Variants in NEBL observed in about 807,000 individuals in gnomAD.
The protein encoded by NEBL is nebulette.
NEBL carries 122 observed loss-of-function variants against 140.2 expected under a neutral mutation model. The observed-to-expected ratio is 0.87, with a 90% CI of 0.75 to 1.01. The LOEUF is 1.01. Ranked by LOEUF, NEBL falls within the 50% of genes least tolerant of loss-of-function variation. The pLI, the probability that NEBL is intolerant of heterozygous loss-of-function variation, is 0.00. For synonymous variants in NEBL, 436 were observed against 398.9 expected (o/e 1.09, Z -1.11); for missense variants, 1,365 against 1,231.3 (o/e 1.11, Z -1.62).
intron 2 of NEBL, among the ~76,000 whole-genome samples, chr10:20,895,086 A>G (rs1847363735): frequency 6.6e-6 from 1 of 152,152 alleles, no homozygotes; most frequent in Admixed American, 6.5e-5. Flanking sequence ...TAGCTTTTGC[A>G]TAATGATAAA....
At chr10:20,986,091 G>A (rs1240660783) in intron 3 of NEBL, among the ~76,000 whole-genome samples, 1 of 152,168 alleles carries the variant, frequency 6.6e-6, no homozygotes, top group Non-Finnish European at 1.5e-5. Flanking sequence ...AGTGCTAAAT[G>A]GAAAATACAT....
intron 4 of NEBL, among the ~76,000 whole-genome samples, chr10:20,916,812 A>C (rs1230784523): frequency 6.6e-6 from 1 of 152,232 alleles, no homozygotes; most frequent in Non-Finnish European, 1.5e-5. Flanking sequence ...GCTATTTTAT[A>C]CTTTACCACT....
At chr10:21,096,831 G>C (rs1285781045) in intron 2 of NEBL, among the ~76,000 whole-genome samples, 2 of 152,000 alleles carry the variant, frequency 1.3e-5, no homozygotes, top group African/African-American at 4.8e-5. Flanking sequence ...TTTTAACATA[G>C]ATTTTGGCTA....
intron 3 of NEBL, among the ~76,000 whole-genome samples, chr10:21,007,626 T>C (rs1589131165): frequency 6.6e-6 from 1 of 152,170 alleles, no homozygotes; most frequent in African/African-American, 2.4e-5. Flanking sequence ...TTAGTAACCA[T>C]TAAATTAAAT....
chr10:21,232,371 C>G (rs985750092), intron 3 of NEBL, among the ~76,000 whole-genome samples: 5 of 151,652 alleles, frequency 3.3e-5, no homozygotes, highest in African/African-American at 1.2e-4. Context: ...AAGGGTCGGT[C>G]GGGGGGTGGT....
chr10:20,952,689 G>A (rs1835541832), intron 4 of NEBL, among the ~76,000 whole-genome samples: 2 of 151,878 alleles, frequency 1.3e-5, no homozygotes, highest in Middle Eastern at 3.4e-3. Context: ...CGGATCACTT[G>A]AGGACAGGAA....
At chr10:20,840,972 C>A in intron 12 of NEBL, 123 bp from the exon 13 acceptor site, 1 of 687,080 alleles carries the variant, frequency 1.5e-6, no homozygotes. Flanking sequence ...ATGAATCACA[C>A]AGCTAAGTAT....
chr10:21,028,489 G>C (rs1375630184), intron 2 of NEBL, among the ~76,000 whole-genome samples: 1 of 152,082 alleles, frequency 6.6e-6, no homozygotes, highest in Non-Finnish European at 1.5e-5. Context: ...AACACACATT[G>C]TGTGGAATAA....
At chr10:20,944,752 A>T (rs1191991573) in intron 4 of NEBL, among the ~76,000 whole-genome samples, 1 of 152,232 alleles carries the variant, frequency 6.6e-6, no homozygotes, top group Non-Finnish European at 1.5e-5. Context: ...AAATCAATGC[A>T]ATAAAAGTGC....
At chr10:20,926,777 T>A (rs1048531617) in intron 4 of NEBL, among the ~76,000 whole-genome samples, 1 of 152,198 alleles carries the variant, frequency 6.6e-6, no homozygotes, top group African/African-American at 2.4e-5. Context: ...GAATAAGCTT[T>A]GCTAACAGTA....
At chr10:20,868,464 T>C (rs1844549374) in intron 7 of NEBL, 200 bp downstream of exon 7, 5 of 563,662 alleles carry the variant, frequency 8.9e-6, no homozygotes, top group South Asian at 8.4e-5. Flanking sequence ...GAAAACTTTG[T>C]TTTATGCTTA....
Position 20,858,250 on chromosome 10 carries a change from A to G in NEBL, c.893T>C (p.Met298Thr). 1.9e-6 allele frequency: 3 copies of G among 1,603,952 alleles called. No homozygotes were observed. The highest frequency in any genetic ancestry group is 2.6e-6 in the Non-Finnish European group (3 of 1,170,772). Residue 298 changes from methionine to threonine, a missense_variant, in exon 9 of 28, where the codon ATG (methionine) becomes ACG (threonine). Transcript: ENST00000377122. Reference protein sequence around the residue: ...FLDHVLKASKMLSGREYKKLF... With the variant: ...FLDHVLKASKTLSGREYKKLF... ...AGATGAACCACTTACGCCGCTGAGC[A>G]TTTTGCTGGCTTTCAAAACATGGTC...
chr10:21,000,922 G>T (rs10828170), intron 3 of NEBL, among the ~76,000 whole-genome samples: 8,439 of 152,206 alleles, frequency 0.055, 777 homozygotes, highest in East Asian at 0.41. Flanking sequence ...GAGAAAAAGG[G>T]AAGAAGCCCA....
chr10:20,840,211 A>T (rs1463965505), intron 13 of NEBL, among the ~76,000 whole-genome samples: 1 of 152,188 alleles, frequency 6.6e-6, no homozygotes, highest in Non-Finnish European at 1.5e-5. Context: ...GTGACACCAT[A>T]TGACCCAAAG....
chr10:20,852,110 T>G (rs565588054), intron 10 of NEBL, among the ~76,000 whole-genome samples: 1 of 152,274 alleles, frequency 6.6e-6, no homozygotes, highest in East Asian at 1.9e-4. Context: ...AAAATATTAA[T>G]CAAGAATACA....
chr10:21,210,703 G>A (rs904055575), intron 3 of NEBL, among the ~76,000 whole-genome samples: 2 of 152,176 alleles, frequency 1.3e-5, no homozygotes, highest in Non-Finnish European at 2.9e-5. Flanking sequence ...TGGTTCTGGA[G>A]TCATGCACTA....
chr10:21,140,007 AT>A (rs1225482533), intron 2 of NEBL, among the ~76,000 whole-genome samples: 217 of 142,890 alleles, frequency 1.5e-3, no homozygotes, highest in African/African-American at 4.8e-3. Context: ...AAAAAAAAAA[AT>A]ACAAAAATTA....
rs575827153 is a variant in NEBL at position 20,908,004 on chromosome 10, T to C, written c.357+53668A>G. Among the ~76,000 whole-genome samples, 75 of 152,278 alleles carry C rather than the reference T, an allele frequency of 4.9e-4. 2 individuals carry two copies. The highest frequency in any genetic ancestry group is 4.1e-4 in the South Asian group (2 of 4,824). ...GGGAAAGAGGAACTCCATATAAAAA[T>C]GATGGGAGGCAGCCATGAAGTCTTC... On this transcript the variant is annotated intron_variant, in intron 4 of 6. Transcript: ENST00000417816.
At chr10:20,954,532 G>A (rs992543286) in intron 4 of NEBL, among the ~76,000 whole-genome samples, 4 of 152,172 alleles carry the variant, frequency 2.6e-5, no homozygotes, top group African/African-American at 2.4e-5. Context: ...TTTGTCCCAC[G>A]GCAATGAAAA....
Sources: gnomAD v4.1 joint callset for allele counts (sites outside exome capture counted in the v4.1 genomes callset) on GRCh38, gnomAD v4.1.1 for gene constraint, MANE v1.5 for transcripts, NCBI Gene and HGNC (gene_info 2026-07-23, HGNC 2026-07-21) for gene names.